RABGAP1L: variants seen among roughly 807,000 people sequenced by gnomAD.
The protein encoded by RABGAP1L is RAB GTPase activating protein 1 like, also known as rab GTPase-activating protein 1-like.
Under a neutral mutation model 137.7 loss-of-function variants are expected in RABGAP1L, and 63 were observed. That is an observed-to-expected ratio of 0.46 (90% CI 0.37 to 0.56). RABGAP1L has a LOEUF of 0.56. Ranked by LOEUF, RABGAP1L falls within the 20% of genes least tolerant of loss-of-function variation. RABGAP1L has a pLI of 0.00. For missense variants in RABGAP1L, 1,095 were observed against 1,244.0 expected (o/e 0.88, Z 1.80); for synonymous variants, 431 against 433.7 (o/e 0.99, Z 0.08).
intron 13 of RABGAP1L, among the ~76,000 whole-genome samples, chr1:174,520,330 A>C (rs1247345166): frequency 6.6e-6 from 1 of 152,252 alleles, no homozygotes; most frequent in Admixed American, 6.5e-5. Context: ...TAAAGACTTC[A>C]GGCCAGCAGT....
intron 15 of RABGAP1L, among the ~76,000 whole-genome samples, chr1:174,688,547 T>C (rs892386755): frequency 2.6e-5 from 4 of 152,100 alleles, no homozygotes; most frequent in Non-Finnish European, 5.9e-5. Flanking sequence ...CCCAGAAGTT[T>C]TGCTCCTAGA....
At chr1:174,552,515 A>G (rs901243568) in intron 13 of RABGAP1L, among the ~76,000 whole-genome samples, 3 of 152,018 alleles carry the variant, frequency 2.0e-5, no homozygotes, top group Non-Finnish European at 4.4e-5. Flanking sequence ...ATTCTTTTTT[A>G]TGACTGTATA....
intron 14 of RABGAP1L, among the ~76,000 whole-genome samples, chr1:174,645,340 C>G (rs1572662148): frequency 6.6e-6 from 1 of 151,976 alleles, no homozygotes; most frequent in East Asian, 1.9e-4. Flanking sequence ...AGCACCCAAT[C>G]AACGTGTCAT....
At chr1:174,305,178 T>TA in intron 11 of RABGAP1L, 51 bp downstream of exon 11, 3 of 1,455,004 alleles carry the variant, frequency 2.1e-6, no homozygotes, top group Non-Finnish European at 1.8e-6. Flanking sequence ...CTGCTTTACT[T>TA]ACAATCTTCA....
intron 13 of RABGAP1L, among the ~76,000 whole-genome samples, chr1:174,463,577 G>T (rs1311394712): frequency 6.6e-6 from 1 of 151,792 alleles, no homozygotes; most frequent in African/African-American, 2.4e-5. Flanking sequence ...CGAGTTAATG[G>T]GTGCAGCACA....
intron 13 of RABGAP1L, chr1:174,547,894 G>C: frequency 6.5e-7 from 1 of 1,547,964 alleles, no homozygotes; most frequent in Non-Finnish European, 8.7e-7. Context: ...TAAATATGAA[G>C]GGTCTATGAA....
intron 17 of RABGAP1L, among the ~76,000 whole-genome samples, chr1:174,704,084 AC>A (rs1354441199): frequency 6.6e-6 from 1 of 152,010 alleles, no homozygotes; most frequent in African/African-American, 2.4e-5. Flanking sequence ...TGCAACCTCC[AC>A]CTGCCGGGTT....
chr1:174,527,820 G>C (rs1350961753), intron 13 of RABGAP1L, among the ~76,000 whole-genome samples: 1 of 151,340 alleles, frequency 6.6e-6, no homozygotes, highest in Non-Finnish European at 1.5e-5. Context: ...TCTAGTGTTA[G>C]GTGCATATAT....
rs551423398 is a variant in RABGAP1L at position 174,761,137 on chromosome 1, C to T, written c.2211+8783C>T. On this transcript the variant is annotated intron_variant, in intron 18 of 25. Transcript: ENST00000681986. This position sits in a 1 kb window ranked among gnomAD's most constrained non-coding sequence, Gnocchi z 4.0. ...GGCCAGGCCTCACAATCATGAAGGA[C>T]GGCAAGGAGGAGCAAGTCACATCCA... is the stretch of plus-strand genomic sequence containing the variant. 8.5e-5 allele frequency among the ~76,000 whole-genome samples: 13 copies of T among 152,250 alleles called. No homozygotes were observed. The highest frequency in any genetic ancestry group is 1.9e-4 in the East Asian group (1 of 5,186).
At chr1:174,705,037 A>G (rs748344049) in intron 17 of RABGAP1L, among the ~76,000 whole-genome samples, 1 of 152,168 alleles carries the variant, frequency 6.6e-6, no homozygotes, top group Non-Finnish European at 1.5e-5. Flanking sequence ...TTTGAGTTAT[A>G]TATAGTATGA....
At position 174,811,921 on chromosome 1, in the gene RABGAP1L, A is replaced by G; in HGVS notation, c.2301A>G (p.Glu767=). The change falls in exon 19 of 26, where the codon GAA becomes GAG. Residue 767 remains glutamate (E), a synonymous_variant. Transcript: ENST00000681986. The part of the protein sequence containing the change: ...VQLPKRYRAE[E]NARRLMEQAC... ...TTCCAAAGAGATACAGGGCAGAGGA[A>G]AATGCAAGAAGACTGATGGAGCAGG... 14 of 1,607,548 alleles carry G rather than the reference A, an allele frequency of 8.7e-6. No homozygotes were observed. Among genetic ancestry groups the G allele is most frequent in the Non-Finnish European group, 1.1e-5 (13 of 1,176,732 alleles).
chr1:174,433,211 TG>T (rs1652848280), intron 13 of RABGAP1L, among the ~76,000 whole-genome samples: 2 of 152,202 alleles, frequency 1.3e-5, no homozygotes, highest in South Asian at 4.1e-4. Flanking sequence ...CAAATCTGTC[TG>T]ACTATAAAGC....
At chr1:174,926,216 C>T (rs993146854) in intron 19 of RABGAP1L, among the ~76,000 whole-genome samples, 1 of 152,014 alleles carries the variant, frequency 6.6e-6, no homozygotes, top group African/African-American at 2.4e-5. Flanking sequence ...TCTTTGATGT[C>T]TAGTAGAGCA....
chr1:174,238,402 A>G (rs1275310173), intron 4 of RABGAP1L, among the ~76,000 whole-genome samples: 1 of 151,832 alleles, frequency 6.6e-6, no homozygotes, highest in Non-Finnish European at 1.5e-5. Context: ...TTGTGGTTTT[A>G]TCTACTTTTG....
At chr1:174,440,793 G>C (rs1654039380) in intron 13 of RABGAP1L, among the ~76,000 whole-genome samples, 1 of 152,102 alleles carries the variant, frequency 6.6e-6, no homozygotes, top group Admixed American at 6.6e-5. Flanking sequence ...CTGACCTCAA[G>C]TTGATCTGCC....
chr1:174,193,634 C>A (rs1179678300), intron 1 of RABGAP1L, among the ~76,000 whole-genome samples: 1 of 152,106 alleles, frequency 6.6e-6, no homozygotes, highest in African/African-American at 2.4e-5. Context: ...TGCTGATATG[C>A]CCTTATATTG....
intron 13 of RABGAP1L, among the ~76,000 whole-genome samples, chr1:174,596,215 G>A (rs1324030939): frequency 1.1e-5 from 1 of 90,506 alleles, no homozygotes; most frequent in Non-Finnish European, 1.9e-5. Flanking sequence ...GCTTCGGCTC[G>A]CGCACGGTGC....
chr1:174,361,016 G>T (rs2148963008), intron 11 of RABGAP1L, among the ~76,000 whole-genome samples: 1 of 152,214 alleles, frequency 6.6e-6, no homozygotes, highest in Non-Finnish European at 1.5e-5. Flanking sequence ...AATTAGCTGG[G>T]CATGGTGGTG....
chr1:174,524,457 A>G (rs1663703922), intron 13 of RABGAP1L, among the ~76,000 whole-genome samples: 1 of 151,940 alleles, frequency 6.6e-6, no homozygotes, highest in African/African-American at 2.4e-5. Flanking sequence ...TCTTCTGTTG[A>G]GAATTGTCTA....
Sources: gnomAD v4.1 joint callset for allele counts (sites outside exome capture counted in the v4.1 genomes callset) on GRCh38, gnomAD v4.1.1 for gene constraint, Gnocchi (gnomAD v3.1) non-coding constraint, MANE v1.5 for transcripts, NCBI Gene and HGNC (gene_info 2026-07-23, HGNC 2026-07-21) for gene names.